The following CHID1 variants were observed in gnomAD, a reference collection of about 807,000 sequenced individuals.
The protein encoded by CHID1 is chitinase domain-containing protein 1.
Under a neutral mutation model 55.4 loss-of-function variants are expected in CHID1, and 44 were observed. The ratio of observed to expected loss-of-function variants is 0.79; its 90% CI spans 0.62 to 1.02. The LOEUF (loss-of-function observed/expected upper bound fraction) is 1.02, where lower values mean the gene tolerates loss of function less well. Among genes scored for constraint, CHID1 ranks in the 50% least tolerant of loss-of-function variants. CHID1 has a pLI of 0.00. For missense variants in CHID1, 491 were observed against 515.3 expected (o/e 0.95, Z 0.46); for synonymous variants, 216 against 212.9 (o/e 1.01, Z -0.13).
At chr11:905,093 A>G (rs977440329) in intron 1 of CHID1, among the ~76,000 whole-genome samples, 1 of 152,192 alleles carries the variant, frequency 6.6e-6, no homozygotes, top group Non-Finnish European at 1.5e-5. Flanking sequence ...GATACCCAGA[A>G]AGAAGCTTCC....
intron 3 of CHID1, 107 bp from the exon 4 acceptor site, chr11:902,437 A>G (rs1851889026): frequency 2.3e-6 from 3 of 1,287,268 alleles, no homozygotes; most frequent in African/African-American, 1.5e-5. Flanking sequence ...TGGCCAGCGT[A>G]GACAGATACC....
At chr11:880,787 C>T (rs1424632192) in intron 10 of CHID1, among the ~76,000 whole-genome samples, 1 of 152,244 alleles carries the variant, frequency 6.6e-6, no homozygotes, top group African/African-American at 2.4e-5. Context: ...GTAAAGACGA[C>T]AGCCGAGGCC....
At chr11:907,651 C>T (rs1418013867) in intron 1 of CHID1, among the ~76,000 whole-genome samples, 1 of 152,148 alleles carries the variant, frequency 6.6e-6, no homozygotes, top group Admixed American at 6.5e-5. Context: ...CAGCACAGAC[C>T]CCTCTAGACC....
At position 902,712 on chromosome 11, in the gene CHID1, G is replaced by A. The variant is rs113066893; in HGVS notation, c.261+250C>T. Reference sequence around the variant, plus strand: ...CACTTCCTGACCCCAGACGACCTGCGAGCCCACCTCTGGATTCAGGGGGAA... The same window carrying A: ...CACTTCCTGACCCCAGACGACCTGCAAGCCCACCTCTGGATTCAGGGGGAA... On this transcript the variant is annotated intron_variant, in intron 3 of 12. Transcript: ENST00000323578. Among the ~76,000 whole-genome samples, 483 of 152,114 alleles carry A rather than the reference G, an allele frequency of 3.2e-3. 1 individual carries two copies. The highest frequency in any genetic ancestry group is 8.8e-3 in the African/African-American group (364 of 41,500).
At chr11:893,296 C>T (rs1850976557) in intron 8 of CHID1, 131 bp downstream of exon 8, 1 of 691,980 alleles carries the variant, frequency 1.4e-6, no homozygotes, top group Non-Finnish European at 2.5e-6. Context: ...CAGCTGAAGC[C>T]TCTATACAGA....
chr11:884,925 G>A (rs1850278042), intron 8 of CHID1, among the ~76,000 whole-genome samples: 1 of 152,162 alleles, frequency 6.6e-6, no homozygotes, highest in Admixed American at 6.5e-5. Flanking sequence ...GTCTCCTGGG[G>A]CAGCCTTCCC....
chr11:873,161 G>C (rs889682529), intron 10 of CHID1, among the ~76,000 whole-genome samples: 1 of 152,166 alleles, frequency 6.6e-6, no homozygotes, highest in Non-Finnish European at 1.5e-5. Context: ...GTCACTCCTG[G>C]GGAGGGAAGG....
At chr11:885,316 A>C (rs1342759481) in intron 8 of CHID1, among the ~76,000 whole-genome samples, 3 of 152,156 alleles carry the variant, frequency 2.0e-5, no homozygotes, top group African/African-American at 7.2e-5. Flanking sequence ...GCCTCTCCAG[A>C]TGTGCAGTTT....
intron 7 of CHID1, among the ~76,000 whole-genome samples, chr11:897,832 T>C (rs1004315855): frequency 1.3e-5 from 2 of 150,504 alleles, no homozygotes; most frequent in East Asian, 2.0e-4. Flanking sequence ...GGCAACCACA[T>C]TGAGGGGTGC....
At chr11:897,493 G>A (rs985741757) in intron 7 of CHID1, among the ~76,000 whole-genome samples, 1 of 152,186 alleles carries the variant, frequency 6.6e-6, no homozygotes, top group African/African-American at 2.4e-5. Context: ...GGTCAGCCCC[G>A]GCAGGGTCCA....
intron 1 of CHID1, among the ~76,000 whole-genome samples, chr11:910,118 T>C (rs1457907850): frequency 1.3e-5 from 2 of 151,524 alleles, no homozygotes; most frequent in Non-Finnish European, 2.9e-5. Flanking sequence ...CCCAAGTAGC[T>C]AGGAGGCTAA....
intron 10 of CHID1, among the ~76,000 whole-genome samples, chr11:878,836 G>A (rs928227094): frequency 2.0e-5 from 3 of 151,096 alleles, no homozygotes; most frequent in East Asian, 3.9e-4. Context: ...CGAGTAGCCC[G>A]CCACCACACC....
At chr11:914,413 A>G (rs1852841619), upstream of CHID1, 1 of 727,418 alleles carries the variant, frequency 1.4e-6, no homozygotes, top group Admixed American at 2.6e-5. Flanking sequence ...TGCCGTGGGC[A>G]TGGGGGGGAC....
chr11:904,599 A>T, intron 2 of CHID1, 107 bp downstream of exon 2: 1 of 1,355,778 alleles, frequency 7.4e-7, no homozygotes, highest in East Asian at 2.3e-5. Flanking sequence ...GTGAGGAGCC[A>T]AGCCCCTCGA....
chr11:893,575 G>A, intron 7 of CHID1, 56 bp from the exon 8 acceptor site: 1 of 1,359,710 alleles, frequency 7.4e-7, no homozygotes, highest in Non-Finnish European at 1.0e-6. Context: ...CTCTCCCAGG[G>A]TTCTGTGACA....
At chr11:873,609 G>C (rs559919729) in intron 10 of CHID1, among the ~76,000 whole-genome samples, 1 of 152,226 alleles carries the variant, frequency 6.6e-6, no homozygotes, top group East Asian at 1.9e-4. Flanking sequence ...GAGGATGTAA[G>C]GAATAAGGAC....
intron 8 of CHID1, among the ~76,000 whole-genome samples, chr11:884,492 G>A (rs183873818): frequency 2.0e-5 from 3 of 152,260 alleles, no homozygotes; most frequent in African/African-American, 2.4e-5. Context: ...CCAAGAGGAT[G>A]GGCCACTCCC....
chr11:893,838 A>T (rs1417441244), intron 7 of CHID1, among the ~76,000 whole-genome samples: 1 of 143,708 alleles, frequency 7.0e-6, no homozygotes. Context: ...ATGGCAGATT[A>T]AAAAAAAAAA....
At chr11:871,674 A>G (rs371316925) in intron 10 of CHID1, among the ~76,000 whole-genome samples, 3 of 152,318 alleles carry the variant, frequency 2.0e-5, no homozygotes, top group Admixed American at 1.3e-4. Context: ...CGTGGGGCCT[A>G]CAGCCCGGGT....
Sources: allele counts gnomAD v4.1 joint callset (sites outside exome capture counted in the v4.1 genomes callset), GRCh38; gene constraint gnomAD v4.1.1; transcripts MANE v1.5; gene names NCBI Gene and HGNC (gene_info 2026-07-23, HGNC 2026-07-21).